ZP2: variants seen among roughly 807,000 people sequenced by gnomAD.
ZP2 encodes zona pellucida glycoprotein 2.
ZP2 carries 51 observed loss-of-function variants against 84.0 expected under a neutral mutation model. The observed-to-expected ratio is 0.61, with a 90% CI of 0.49 to 0.77. ZP2 has a LOEUF of 0.77. ZP2 is among the 30% of genes least tolerant of loss of function. The pLI is 0.00. For missense variants in ZP2, 909 were observed against 911.9 expected (o/e 1.00, Z 0.04); for synonymous variants, 375 against 330.9 (o/e 1.13, Z -1.45).
Position 21,197,798 on chromosome 16 carries a change from C to T in ZP2, c.2063G>A (p.Arg688Lys). ...GCCAACCTCCTCCCCTGTTTCACTC[C>T]TACTCTTCTCCCCACTGCTCCCACT... The part of the protein sequence containing the change: ...KASGSSGEKS[R>K]SETGEEVGSR... Residue 688 changes from arginine (R) to lysine (K), a missense_variant, in exon 18 of 19, where the codon AGG becomes AAG. Physicochemically the swap from Arg to Lys is conservative, Grantham distance 26. Coordinates refer to ENST00000574091, the MANE Select transcript of ZP2 (RefSeq NM_001376232.1). 1.2e-6 allele frequency: 2 copies of T among 1,614,176 alleles called. No homozygotes were observed. The highest frequency in any genetic ancestry group is 1.7e-6 in the Non-Finnish European group (2 of 1,180,022).
rs547586852 is a variant in ZP2 at position 21,203,937 on chromosome 16, C to T, written c.972+93G>A. 10 of 1,409,940 alleles carry T rather than the reference C, an allele frequency of 7.1e-6. No homozygotes were observed. In the Admixed American group the frequency reaches 1.7e-4, roughly 24 times the overall value. 87.3% of individuals were successfully genotyped at this position (1,409,940 alleles called of 1,614,324 possible). On this transcript the variant is annotated intron_variant, in intron 9 of 18. Transcript: ENST00000574091. ...ATCTGTTATGTTGGCAATTAGAGCT[C>T]ACGGGCAAGTTATCAGCCGTATGAG...
upstream of ZP2, among the ~76,000 whole-genome samples, chr16:21,212,865 C>T (rs1356366707): frequency 2.6e-5 from 4 of 152,140 alleles, no homozygotes; most frequent in Non-Finnish European, 4.4e-5. Context: ...ACTCAGATTT[C>T]CTGAGGCCTG....
chr16:21,205,722 G>A lies in ZP2; in HGVS notation c.528+9C>T. ...TATTAAGGTCTGATTTTTAAAATTT[G>A]CTTCATACCTTACTGTCGTCAGCCA... is the stretch of plus-strand genomic sequence containing the variant. On this transcript the variant is annotated intron_variant, in intron 6 of 18. Transcript: ENST00000574091. The A allele has an allele frequency of 6.2e-7, 1 of 1,613,960 alleles. No individual in the cohort carries two copies.
At chr16:21,205,878 TG>T (rs2093247468) in intron 5 of ZP2, 103 bp from the exon 6 acceptor site, 2 of 1,098,176 alleles carry the variant, frequency 1.8e-6, no homozygotes, top group Non-Finnish European at 2.7e-6. Flanking sequence ...AGGCCTGCTG[TG>T]GGATGCAGTG....
At chr16:21,209,970 A>G (rs1267373406) in intron 3 of ZP2, 139 bp downstream of exon 3, 1 of 797,090 alleles carries the variant, frequency 1.3e-6, no homozygotes, top group Non-Finnish European at 2.1e-6. Context: ...CTTCATGCAA[A>G]TCAGGTATCC....
At chr16:21,212,084 C>A (rs1354067350), upstream of ZP2, among the ~76,000 whole-genome samples, 1 of 152,080 alleles carries the variant, frequency 6.6e-6, no homozygotes, top group Non-Finnish European at 1.5e-5. Flanking sequence ...CACGCCACCA[C>A]ACCTGGCTAA....
chr16:21,206,159 G>A (rs146446786), intron 5 of ZP2, among the ~76,000 whole-genome samples: 52 of 152,220 alleles, frequency 3.4e-4, no homozygotes, highest in African/African-American at 9.6e-4. Flanking sequence ...TACCATACCC[G>A]GCTAGTTTTT....
chr16:21,211,736 T>C, upstream of ZP2: 1 of 1,493,260 alleles, frequency 6.7e-7, no homozygotes, highest in Non-Finnish European at 8.9e-7. Flanking sequence ...CCGGGTATTC[T>C]GCCAGCTGCC....
intron 4 of ZP2, among the ~76,000 whole-genome samples, chr16:21,208,368 A>T (rs2093259807): frequency 6.6e-6 from 1 of 152,238 alleles, no homozygotes; most frequent in African/African-American, 2.4e-5. Flanking sequence ...TGATTACTTC[A>T]TTGATTGATC....
In ZP2 at chr16:21,203,185, G is replaced by C. The variant is rs1207477939; in HGVS notation, c.1039C>G (p.Pro347Ala). 1.2e-6 allele frequency: 2 copies of C among 1,613,970 alleles called. No individual in the cohort carries two copies. Among genetic ancestry groups the C allele is most frequent in the Non-Finnish European group, 1.7e-6 (2 of 1,179,910 alleles). ...ASLKLTFLLRPETVSMVIYPE... is the reference protein window; with the variant it reads ...ASLKLTFLLRAETVSMVIYPE... ...TAGATCACCATGGATACTGTCTCTG[G>C]CCGAAGGAGAAAGGTCAGCTTGAGT... The change falls in exon 10 of 19, where the codon CCA becomes GCA. Residue 347 changes from proline (P) to alanine (A), a missense_variant. By Grantham distance (27) the Pro-to-Ala change is conservative. Transcript: ENST00000574091.
At chr16:21,210,305 C>A in intron 2 of ZP2, 113 bp from the exon 3 acceptor site, 1 of 799,972 alleles carries the variant, frequency 1.3e-6, no homozygotes, top group South Asian at 1.5e-5. Context: ...AGGCAAGAAT[C>A]GTCCCCTACC....
At chr16:21,207,256 C>G (rs1201318765) in intron 4 of ZP2, among the ~76,000 whole-genome samples, 2 of 152,032 alleles carry the variant, frequency 1.3e-5, no homozygotes, top group African/African-American at 4.8e-5. Flanking sequence ...GTACCATGGT[C>G]CTGGCTGAAT....
Position 21,205,510 on chromosome 16 carries a change from C to G in ZP2, c.603G>C (p.Glu201Asp), listed in dbSNP as rs1228725403. 6.2e-7 allele frequency: 1 copy of G among 1,613,940 alleles called. No homozygotes were observed. The highest frequency in any genetic ancestry group is 1.3e-5 in the African/African-American group (1 of 74,876). Residue 201 changes from glutamate (E) to aspartate (D), a missense_variant, in exon 7 of 19, where the codon GAG (glutamate) becomes GAC (aspartate). Physicochemically the swap from Glu to Asp is conservative, Grantham distance 45. Transcript: ENST00000574091. ...AGAGGCTGAAGCCTTCCTTCATGGC[C>G]TCTGGCAGGGTCAGAGTTTTGGCTC... ...GARAKTLTLPEAMKEGFSLLI... is the reference protein window; with the variant it reads ...GARAKTLTLPDAMKEGFSLLI...
chr16:21,198,322 G>T (rs958475998), intron 17 of ZP2, among the ~76,000 whole-genome samples: 1 of 152,106 alleles, frequency 6.6e-6, no homozygotes, highest in Non-Finnish European at 1.5e-5. Flanking sequence ...TTGAACCTGG[G>T]AGGCAGAGGT....
At position 21,198,831 on chromosome 16, in the gene ZP2, T is replaced by C; in HGVS notation, c.1959A>G (p.Thr653=). ...GGAGAATGGGTCCTGGGAGGCTGACTGTCATTTTCTCTGCTTCAGTGGCCC... is the reference window on the plus strand; with the variant it reads ...GGAGAATGGGTCCTGGGAGGCTGACCGTCATTTTCTCTGCTTCAGTGGCCC... ...ATGATEAEKM[T]VSLPGPILLL... is the part of the protein sequence containing the mutation. The change falls in exon 17 of 19, where the codon ACA becomes ACG. Residue 653 remains threonine (T), a synonymous_variant. Coordinates refer to ENST00000574091, the MANE Select transcript of ZP2 (RefSeq NM_001376232.1). The C allele has an allele frequency of 6.2e-7, 1 of 1,614,074 alleles. No homozygotes were observed. Among genetic ancestry groups the C allele is most frequent in the Non-Finnish European group, 8.5e-7 (1 of 1,179,978 alleles).
chr16:21,205,660 T>C, intron 6 of ZP2, 71 bp downstream of exon 6: 1 of 1,612,734 alleles, frequency 6.2e-7, no homozygotes, highest in Non-Finnish European at 8.5e-7. Flanking sequence ...ATTTATCAGG[T>C]TAAAGGTAAT....
intron 3 of ZP2, 84 bp downstream of exon 3, chr16:21,210,025 G>C (rs930313625): frequency 4.6e-5 from 58 of 1,251,644 alleles, no homozygotes; most frequent in Non-Finnish European, 6.1e-5. Context: ...AGGAGTTTGG[G>C]TACTCTGCTC....
rs534854378 is a variant in ZP2, at chr16:21,204,495, A to C, written c.694-91T>G. On this transcript the variant is annotated intron_variant, in intron 7 of 18. Transcript: ENST00000574091. ...CATCTTGGCAAGTATATATCCAAGTAATGGGCACTACTTTGACACAAGTAG... is the reference window on the plus strand; with the variant it reads ...CATCTTGGCAAGTATATATCCAAGTCATGGGCACTACTTTGACACAAGTAG... 3 of 973,466 alleles carry C rather than the reference A, an allele frequency of 3.1e-6. No homozygotes were observed. In the African/African-American group the frequency reaches 4.8e-5, roughly 16 times the overall value. 60.3% of individuals were successfully genotyped at this position (973,466 alleles called of 1,614,324 possible). A position where few individuals can be genotyped will look rare whatever the true frequency, so the allele number is the denominator to read the frequency against.
rs1197683077 is a variant in ZP2 at position 21,197,860 on chromosome 16, C to T, written c.2012-11G>A. On this transcript the variant is annotated splice_polypyrimidine_tract_variant and intron_variant, in intron 17 of 18. Transcript: ENST00000574091. ...CAGATGAGCCGACACCTGGGAAGAA[C>T]CTGAGAGTTTAGTACAACATCTTCA... is the stretch of plus-strand genomic sequence containing the variant. 6.2e-7 allele frequency: 1 copy of T among 1,613,796 alleles called. No individual in the cohort carries two copies. Among genetic ancestry groups the T allele is most frequent in the East Asian group, 2.2e-5 (1 of 44,894 alleles).
Sources: gnomAD v4.1 joint callset for allele counts (sites outside exome capture counted in the v4.1 genomes callset) on GRCh38, gnomAD v4.1.1 for gene constraint, MANE v1.5 for transcripts, NCBI Gene and HGNC (gene_info 2026-07-23, HGNC 2026-07-21) for gene names.